The following KDM6A variants were observed in gnomAD, a reference collection of about 807,000 sequenced individuals.
KDM6A encodes the protein lysine-specific demethylase 6A.
In KDM6A, 11 loss-of-function variants were observed where a neutral mutation model predicts 117.6. The ratio of observed to expected loss-of-function variants is 0.09; its 90% CI spans 0.06 to 0.15. The LOEUF (loss-of-function observed/expected upper bound fraction) is 0.15, where lower values mean the gene tolerates loss of function less well. Among genes scored for constraint, KDM6A ranks in the 10% least tolerant of loss-of-function variants. The pLI is 1.00. For missense variants in KDM6A, 799 were observed against 1,077.3 expected (o/e 0.74, Z 3.62); for synonymous variants, 384 against 396.1 (o/e 0.97, Z 0.36).
intron 2 of KDM6A, among the ~76,000 whole-genome samples, chrX:44,917,236 A>C: frequency 9.0e-6 from 1 of 110,524 alleles, no homozygotes; most frequent in East Asian, 2.9e-4. Context: ...CATGTTTGCC[A>C]GGCTGGTCTC....
Position 45,013,072 on chromosome X carries a change from TAGA to T in KDM6A, c.443+2056_443+2058del, listed in dbSNP as rs1227066255. ...AATTCAAATTCTAAACTTCTAGAAT[TAGA>T]AGTAGTCTTAGAGATAATTTAGTTT... is the stretch of plus-strand genomic sequence containing the variant. On this transcript the variant is annotated intron_variant, in intron 5 of 29. Transcript: ENST00000611820. Among the ~76,000 whole-genome samples the T allele has an allele frequency of 1.2e-4, 13 of 111,916 alleles. No individual in the cohort carries two copies. The East Asian group carries it at 3.6e-3, about 31-fold the overall frequency.
intron 6 of KDM6A, 136 bp from the exon 7 acceptor site, chrX:45,034,795 T>A: frequency 1.9e-6 from 1 of 516,698 alleles, no homozygotes; most frequent in Non-Finnish European, 3.4e-6. Flanking sequence ...GTATTTCTAG[T>A]TGGTAGGCTA....
chrX:45,107,220 T>C (rs2148285679), intron 27 of KDM6A, 190 bp from the exon 28 acceptor site: 1 of 434,630 alleles, frequency 2.3e-6, no homozygotes, highest in East Asian at 4.0e-5. Flanking sequence ...TTTAATATTG[T>C]CTTCATCAGG....
At chrX:44,910,217 G>C (rs1326258607) in intron 2 of KDM6A, among the ~76,000 whole-genome samples, 2 of 111,629 alleles carry the variant, frequency 1.8e-5, no homozygotes, top group African/African-American at 6.5e-5. Context: ...ACGAAGTCTC[G>C]CTCCTGTTAC....
chrX:44,966,249 C>T (rs2039004305), intron 3 of KDM6A, among the ~76,000 whole-genome samples: 1 of 110,413 alleles, frequency 9.1e-6, no homozygotes, highest in Non-Finnish European at 1.9e-5. Context: ...TCAAGTGATT[C>T]TCCTACCTCA....
rs928489295 is a variant in KDM6A, at chrX:45,054,132, G to GT, written c.875+184dup. On this transcript the variant is annotated intron_variant, in intron 10 of 29. Coordinates refer to ENST00000611820, the MANE Select transcript of KDM6A (RefSeq NM_001291415.2). ...CAAGATAAAGTTTCCAAATATGGTG[G>GT]TTTTTTTATAGCATAATCTGGTCTA... is the stretch of plus-strand genomic sequence containing the variant. Among the ~76,000 whole-genome samples the GT allele has an allele frequency of 1.2e-4, 13 of 111,965 alleles. No individual in the cohort carries two copies. The East Asian group carries it at 3.1e-3, about 26-fold the overall frequency.
At chrX:44,986,585 T>C (rs2040239754) in intron 4 of KDM6A, among the ~76,000 whole-genome samples, 1 of 111,810 alleles carries the variant, frequency 8.9e-6, no homozygotes, top group East Asian at 2.8e-4. Flanking sequence ...GCTTTGAATG[T>C]GTCCCAGAGA....
chrX:45,078,936 G>A (rs1018845699), intron 20 of KDM6A, among the ~76,000 whole-genome samples: 2 of 110,382 alleles, frequency 1.8e-5, no homozygotes, highest in African/African-American at 6.6e-5. Flanking sequence ...TTTCTCGGAT[G>A]GGATGACATA....
rs7878293 is a variant in KDM6A, at chrX:44,961,058, A to G, written c.226-226A>G. Among the ~76,000 whole-genome samples the G allele has an allele frequency of 0.073, 8,124 of 111,533 alleles. 666 individuals carry two copies. Among genetic ancestry groups the G allele is most frequent in the African/African-American group, 0.24 (7,301 of 30,536 alleles). On this transcript the variant is annotated intron_variant, in intron 2 of 29. Transcript: ENST00000611820. ...TATTTGGCAAGTATTGTTTCCATGT[A>G]TAGATGGGAAAAGCACTTATGCCAT... is the stretch of plus-strand genomic sequence containing the variant.
chrX:44,922,454 C>T (rs1420908768), intron 2 of KDM6A, among the ~76,000 whole-genome samples: 2 of 111,130 alleles, frequency 1.8e-5, no homozygotes, highest in Non-Finnish European at 3.8e-5. Context: ...GTCTTTTGTC[C>T]ATTTTCTAAT....
intron 29 of KDM6A, among the ~76,000 whole-genome samples, chrX:45,111,163 G>T (rs1166992152): frequency 9.0e-6 from 1 of 111,111 alleles, no homozygotes; most frequent in Admixed American, 9.7e-5. Flanking sequence ...AAGAAGTATA[G>T]AAAATTGCAA....
chrX:44,940,636 C>G (rs913561434), intron 2 of KDM6A, among the ~76,000 whole-genome samples: 1 of 111,927 alleles, frequency 8.9e-6, no homozygotes, highest in African/African-American at 3.2e-5. Context: ...GTCATTCATT[C>G]TTTCGAGTCA....
intron 6 of KDM6A, among the ~76,000 whole-genome samples, chrX:45,031,327 G>A (rs925304384): frequency 8.9e-6 from 1 of 111,891 alleles, no homozygotes; most frequent in Non-Finnish European, 1.9e-5. Flanking sequence ...CCATAGAAGC[G>A]TGCCTGGCAT....
intron 4 of KDM6A, among the ~76,000 whole-genome samples, chrX:45,006,350 C>T (rs977163850): frequency 9.1e-6 from 1 of 109,370 alleles, no homozygotes; most frequent in Non-Finnish European, 1.9e-5. Context: ...AGTTTCAGTG[C>T]TGCAAAAGAA....
intron 27 of KDM6A, among the ~76,000 whole-genome samples, chrX:45,100,343 A>G (rs750203900): frequency 9.0e-6 from 1 of 111,636 alleles, no homozygotes; most frequent in East Asian, 2.8e-4. Context: ...ACCCCCAGCA[A>G]ATATGCCATA....
intron 2 of KDM6A, among the ~76,000 whole-genome samples, chrX:44,934,382 A>G (rs1344061195): frequency 9.0e-6 from 1 of 111,660 alleles, no homozygotes; most frequent in Non-Finnish European, 1.9e-5. Context: ...TTTTGAAATT[A>G]CTGTTCTTTG....
intron 2 of KDM6A, 60 bp downstream of exon 2, chrX:44,874,047 C>T (rs1022711933): frequency 4.7e-6 from 5 of 1,074,969 alleles, no homozygotes; most frequent in Non-Finnish European, 6.4e-6. Flanking sequence ...CGCGCTCGCC[C>T]CGGGCCCCGC....
intron 5 of KDM6A, among the ~76,000 whole-genome samples, chrX:45,015,650 C>T (rs967464417): frequency 9.0e-6 from 1 of 111,603 alleles, no homozygotes; most frequent in African/African-American, 3.3e-5. Flanking sequence ...GCCTGGCAAA[C>T]GTTGTATTTT....
intron 4 of KDM6A, among the ~76,000 whole-genome samples, chrX:44,996,901 A>G (rs2040886515): frequency 9.0e-6 from 1 of 111,724 alleles, no homozygotes; most frequent in Non-Finnish European, 1.9e-5. Flanking sequence ...AAAAGATGTG[A>G]GTATTCATTT....
Sources: gnomAD v4.1 joint callset for allele counts (sites outside exome capture counted in the v4.1 genomes callset) on GRCh38, gnomAD v4.1.1 for gene constraint, MANE v1.5 for transcripts, NCBI Gene and HGNC (gene_info 2026-07-23, HGNC 2026-07-21) for gene names.